ANKHD1: variants seen among roughly 807,000 people sequenced by gnomAD.
ANKHD1 encodes the protein ankyrin repeat and KH domain-containing protein 1.
A neutral mutation model predicts 230.5 loss-of-function variants in ANKHD1; 31 were observed. The ratio of observed to expected loss-of-function variants is 0.13; its 90% confidence interval spans 0.10 to 0.18. The LOEUF is 0.18. Ranked by LOEUF, ANKHD1 falls within the 10% of genes least tolerant of loss-of-function variation. The pLI, the probability that ANKHD1 is intolerant of heterozygous loss-of-function variation, is 1.00. For synonymous variants in ANKHD1, 1,074 were observed against 1,117.6 expected (o/e 0.96, Z 0.78); for missense variants, 2,256 against 3,071.3 (o/e 0.73, Z 6.27).
intron 29 of ANKHD1, among the ~76,000 whole-genome samples, chr5:140,532,243 T>G (rs1753862106): frequency 6.6e-6 from 1 of 151,088 alleles, no homozygotes; most frequent in Non-Finnish European, 1.5e-5. Context: ...ATTCATGCTA[T>G]AACATGGATG....
intron 9 of ANKHD1, among the ~76,000 whole-genome samples, chr5:140,462,673 C>T (rs977622274): frequency 4.7e-5 from 7 of 147,714 alleles, no homozygotes; most frequent in South Asian, 2.2e-4. Context: ...TGCAGTGAGC[C>T]GAGATGGTGC....
Position 140,438,495 on chromosome 5 carries a change from T to C in ANKHD1, c.495T>C (p.Ala165=). Residue 165 remains alanine (A), a synonymous_variant, in exon 3 of 34, where the codon GCT becomes GCC. Coordinates refer to ENST00000360839, the MANE Select transcript of ANKHD1 (RefSeq NM_017747.3). ...AATTGTCAACTGCTGATGGTAAAGC[T>C]TTTGCAGATCCTGAGGTACTCCGGA... ...IGKLSTADGK[A]FADPEVLRRL... The C allele has an allele frequency of 3.1e-6, 5 of 1,612,588 alleles. No individual in the cohort carries two copies. In the South Asian group the frequency reaches 5.5e-5, roughly 18 times the overall value.
chr5:140,462,393 C>A (rs918031169), intron 9 of ANKHD1, among the ~76,000 whole-genome samples: 8 of 151,990 alleles, frequency 5.3e-5, no homozygotes, highest in Non-Finnish European at 1.2e-4. Flanking sequence ...GAGAAACTTT[C>A]CCTCAACTAT....
At chr5:140,451,738 G>A (rs1378816898) in intron 7 of ANKHD1, among the ~76,000 whole-genome samples, 2 of 152,030 alleles carry the variant, frequency 1.3e-5, no homozygotes, top group Non-Finnish European at 1.5e-5. Flanking sequence ...AAACATCTGG[G>A]CTCAAGCTAT....
chr5:140,452,096 C>G (rs576232313), intron 7 of ANKHD1, among the ~76,000 whole-genome samples: 1 of 152,294 alleles, frequency 6.6e-6, no homozygotes, highest in East Asian at 1.9e-4. Flanking sequence ...CTCAAAGGGT[C>G]CCACACCCAC....
At chr5:140,491,746 T>C (rs941632051) in intron 14 of ANKHD1, among the ~76,000 whole-genome samples, 16 of 152,196 alleles carry the variant, frequency 1.1e-4, no homozygotes, top group Admixed American at 1.0e-3. Context: ...AGAATTTCTT[T>C]GGAACATCAT....
chr5:140,507,170 A>T lies in ANKHD1; in HGVS notation c.3551+193A>T, dbSNP rs1752576709. On this transcript the variant is annotated intron_variant, in intron 19 of 33. Transcript: ENST00000360839. The surrounding 1 kb of genome is among the most constrained non-coding windows in gnomAD (Gnocchi z 4.1). ...TTCAGTAATGTGGCTGCTTATAAAG[A>T]GGTCTCATTTCAAAAAGTGTTTTGT... Among the ~76,000 whole-genome samples, 1 of 152,224 alleles carries T rather than the reference A, an allele frequency of 6.6e-6. No individual in the cohort carries two copies. Among genetic ancestry groups the T allele is most frequent in the Admixed American group, 6.5e-5 (1 of 15,274 alleles).
chr5:140,458,945 CATATATATATATATATATAT>C lies in ANKHD1; in HGVS notation c.1480+98_1480+117del, dbSNP rs540544442. On this transcript the variant is annotated intron_variant, in intron 8 of 33. Transcript: ENST00000360839. Reference sequence around the variant, plus strand: ...TACTGGTGAAGTTTACTACAGCTAGCATATATATATATATATATATATATATATATATATGCATATATATA... The same window carrying C: ...TACTGGTGAAGTTTACTACAGCTAGCATATATATATATATGCATATATATA... 28 of 83,842 alleles carry C rather than the reference CATATATATATATATATATAT, an allele frequency of 3.3e-4. 2 individuals are homozygous for C. Among genetic ancestry groups the C allele is most frequent in the Non-Finnish European group, 4.5e-4 (19 of 41,764 alleles). The allele number at this position is 83,842 out of a possible 1,614,324, so 5.2% of individuals were successfully genotyped here.
intron 1 of ANKHD1, among the ~76,000 whole-genome samples, chr5:140,433,239 T>G (rs1391004195): frequency 6.6e-6 from 1 of 151,990 alleles, no homozygotes; most frequent in Non-Finnish European, 1.5e-5. Flanking sequence ...GCTAATTTTG[T>G]ATTTTTAGTA....
chr5:140,419,464 T>G (rs113604929), intron 1 of ANKHD1, among the ~76,000 whole-genome samples: 1 of 97,270 alleles, frequency 1.0e-5, no homozygotes, highest in Non-Finnish European at 2.5e-5. Context: ...CTTTTTTTTT[T>G]TTTTTTTTTG....
At position 140,427,930 on chromosome 5, in the gene ANKHD1, C is replaced by G. The variant is rs534133355; in HGVS notation, c.307-8174C>G. ...CCTCACTTCTCAGACGGGGCGGTTG[C>G]CAGGCAGAGGGTCTCCTCACTTCTC... On this transcript the variant is annotated intron_variant, in intron 1 of 33. Coordinates refer to ENST00000360839, the MANE Select transcript of ANKHD1 (RefSeq NM_017747.3). Among the ~76,000 whole-genome samples, 70 of 151,274 alleles carry G rather than the reference C, an allele frequency of 4.6e-4. 1 individual carries two copies. Among genetic ancestry groups the G allele is most frequent in the Middle Eastern group, 6.8e-3 (2 of 292 alleles).
rs368964651 is a variant in ANKHD1, at chr5:140,449,287, C to T, written c.1224C>T (p.Ala408=). 1.2e-6 allele frequency: 2 copies of T among 1,613,056 alleles called. No individual in the cohort carries two copies. The highest frequency in any genetic ancestry group is 2.7e-5 in the African/African-American group (2 of 74,842). ...ACAAAACAGATGAGATGCACACTGC[C>T]TTAATGGAGGCCTGCATGGTAATTT... is the stretch of plus-strand genomic sequence containing the variant. ...QEHKTDEMHT[A]LMEACMDGHV... is the part of the protein sequence containing the mutation. Residue 408 remains alanine, a synonymous_variant, in exon 7 of 34, where the codon GCC becomes GCT. Coordinates refer to ENST00000360839, the MANE Select transcript of ANKHD1 (RefSeq NM_017747.3).
chr5:140,450,482 C>T (rs181205670), intron 7 of ANKHD1, among the ~76,000 whole-genome samples: 179 of 152,024 alleles, frequency 1.2e-3, no homozygotes, highest in Non-Finnish European at 2.1e-3. Flanking sequence ...CTTATACTAT[C>T]TCATATATCA....
chr5:140,531,619 G>A (rs1244367736), intron 29 of ANKHD1, among the ~76,000 whole-genome samples: 1 of 152,010 alleles, frequency 6.6e-6, no homozygotes, highest in African/African-American at 2.4e-5. Context: ...GATGGGAAAA[G>A]ATAGAGAGAA....
In ANKHD1 at chr5:140,507,848, A is replaced by T; in HGVS notation, c.3615A>T (p.Ala1205=). The change falls in exon 20 of 34, where the codon GCA becomes GCT. Residue 1205 remains alanine, a synonymous_variant. Transcript: ENST00000360839. The surrounding 1 kb of genome is among the most constrained non-coding windows in gnomAD (Gnocchi z 4.1). ...MLAAMNGHVP[A]VKLLLDMGSD... ...CTGCAATGAATGGACATGTTCCTGC[A>T]GTAAAATTGCTGCTCGATATGGGTT... The T allele has an allele frequency of 6.2e-7, 1 of 1,614,170 alleles. No homozygotes were observed. Among genetic ancestry groups the T allele is most frequent in the Non-Finnish European group, 8.5e-7 (1 of 1,180,036 alleles).
intron 1 of ANKHD1, among the ~76,000 whole-genome samples, chr5:140,427,575 G>T (rs1197782313): frequency 7.5e-6 from 1 of 133,210 alleles, no homozygotes; most frequent in Non-Finnish European, 1.6e-5. Flanking sequence ...CCTTGCGGAC[G>T]GGGCGGCTGG....
chr5:140,476,362 GA>G (rs1750968085), intron 10 of ANKHD1, among the ~76,000 whole-genome samples: 1 of 152,028 alleles, frequency 6.6e-6, no homozygotes. Flanking sequence ...GACTAGACAT[GA>G]ATCCTTGACT....
chr5:140,403,304 C>T (rs1770138995), intron 1 of ANKHD1, among the ~76,000 whole-genome samples: 1 of 152,084 alleles, frequency 6.6e-6, no homozygotes, highest in Non-Finnish European at 1.5e-5. Flanking sequence ...TGAAGTCCTT[C>T]ATTTCTTTAA....
Position 140,524,099 on chromosome 5 carries a change from G to A in ANKHD1, c.4351G>A (p.Ala1451Thr), listed in dbSNP as rs748406137. The stretch of plus-strand genomic sequence containing the variant: ...AGAGAGCAGAAAGCAGGCTCTTGCT[G>A]CTAAAAGAGAAAAAAGAAAAGAAAA... ...REESRKQALA[A>T]KREKRKEKRK... is the part of the protein sequence containing the mutation. The change falls in exon 25 of 34, where the codon GCT (alanine) becomes ACT (threonine). Residue 1451 changes from alanine to threonine, a missense_variant. Coordinates refer to ENST00000360839, the MANE Select transcript of ANKHD1 (RefSeq NM_017747.3). The A allele has an allele frequency of 6.3e-7, 1 of 1,589,676 alleles. No homozygotes were observed. Among genetic ancestry groups the A allele is most frequent in the Non-Finnish European group, 8.5e-7 (1 of 1,173,780 alleles).
Sources: gnomAD v4.1 joint callset for allele counts (sites outside exome capture counted in the v4.1 genomes callset) on GRCh38, gnomAD v4.1.1 for gene constraint, Gnocchi (gnomAD v3.1) non-coding constraint, MANE v1.5 for transcripts, NCBI Gene and HGNC (gene_info 2026-07-23, HGNC 2026-07-21) for gene names.